SHISA9: variants seen among roughly 807,000 people sequenced by gnomAD.
SHISA9 encodes shisa family member 9, also known as protein shisa-9.
Under a neutral mutation model 38.0 loss-of-function variants are expected in SHISA9, and 13 were observed. The ratio of observed to expected loss-of-function variants is 0.34; its 90% CI spans 0.22 to 0.54. The LOEUF is 0.54. Among genes scored for constraint, SHISA9 ranks in the 20% least tolerant of loss-of-function variants. The probability of loss-of-function intolerance (pLI) is 0.91; values close to 1 mark genes in which losing one functional copy is unlikely to be tolerated. For missense variants in SHISA9, 538 were observed against 575.8 expected, an observed-to-expected ratio of 0.93 and a Z score of 0.67; for synonymous variants, 275 against 242.0, an observed-to-expected ratio of 1.14 and a Z score of -1.27.
intron 2 of SHISA9, among the ~76,000 whole-genome samples, chr16:12,970,407 A>ATATATATACATATATG (rs1567357074): frequency 1.3e-4 from 2 of 14,950 alleles, no homozygotes; most frequent in African/African-American, 2.1e-4. Flanking sequence ...ATATATACAT[A>ATATATATACATATATG]TATATATATA....
chr16:13,546,224 C>G, the SHISA9 span, among the ~76,000 whole-genome samples: 1 of 152,174 alleles, frequency 6.6e-6, no homozygotes, highest in East Asian at 1.9e-4. Flanking sequence ...GTCCAAGCAA[C>G]CACCATCTCT....
At chr16:12,913,196 T>A (rs1029225757) in intron 1 of SHISA9, among the ~76,000 whole-genome samples, 2 of 152,216 alleles carry the variant, frequency 1.3e-5, no homozygotes, top group African/African-American at 4.8e-5. Context: ...TTACTTCTTT[T>A]TTTTGGCGGG....
At chr16:13,098,818 G>C (rs746542337) in intron 2 of SHISA9, among the ~76,000 whole-genome samples, 16 of 152,356 alleles carry the variant, frequency 1.1e-4, no homozygotes, top group Non-Finnish European at 2.4e-4. Flanking sequence ...TCCCAGCTCT[G>C]TTGAATCTGG....
chr16:13,449,259 A>G, the SHISA9 span, among the ~76,000 whole-genome samples: 1 of 152,236 alleles, frequency 6.6e-6, no homozygotes, highest in Non-Finnish European at 1.5e-5. Context: ...AAATAGACCA[A>G]AATGTTCAAG....
At chr16:13,320,605 T>G in the SHISA9 span, among the ~76,000 whole-genome samples, 1 of 152,190 alleles carries the variant, frequency 6.6e-6, no homozygotes, top group Admixed American at 6.5e-5. Flanking sequence ...GTAGAGATAG[T>G]AGGGTCTCCT....
At chr16:12,977,080 G>A (rs1351068804) in intron 2 of SHISA9, among the ~76,000 whole-genome samples, 1 of 152,146 alleles carries the variant, frequency 6.6e-6, no homozygotes, top group Admixed American at 6.5e-5. Context: ...ATGACTTACT[G>A]TTGCCAGTGA....
chr16:13,222,268 C>A (rs970820634), intron 4 of SHISA9, among the ~76,000 whole-genome samples: 1 of 152,112 alleles, frequency 6.6e-6, no homozygotes, highest in Non-Finnish European at 1.5e-5. Context: ...ACAGCCAAAC[C>A]ATATCATGAC....
intron 2 of SHISA9, among the ~76,000 whole-genome samples, chr16:13,062,156 A>C (rs115964129): frequency 4.6e-5 from 7 of 152,084 alleles, no homozygotes; most frequent in African/African-American, 1.7e-4. Flanking sequence ...TTTTAGTGGA[A>C]GTATACCTCA....
chr16:13,340,262 T>A, the SHISA9 span, among the ~76,000 whole-genome samples: 4 of 152,194 alleles, frequency 2.6e-5, no homozygotes, highest in Non-Finnish European at 5.9e-5. Context: ...CTTAACCTCC[T>A]ATATTTGGCC....
intron 2 of SHISA9, among the ~76,000 whole-genome samples, chr16:13,056,854 AT>A (rs1428151982): frequency 1.3e-5 from 2 of 152,226 alleles, no homozygotes; most frequent in East Asian, 3.8e-4. Context: ...CGAAGCGTTC[AT>A]TCTCAGGATT....
chr16:13,188,944 T>C (rs2050856350), intron 2 of SHISA9, among the ~76,000 whole-genome samples: 1 of 152,046 alleles, frequency 6.6e-6, no homozygotes, highest in Non-Finnish European at 1.5e-5. Flanking sequence ...GGTCTCCTTA[T>C]AACAAAGGGA....
chr16:13,178,193 C>A (rs1181581609), intron 2 of SHISA9, among the ~76,000 whole-genome samples: 1 of 152,166 alleles, frequency 6.6e-6, no homozygotes, highest in African/African-American at 2.4e-5. Context: ...GCATTCTCCT[C>A]CATCCATGGA....
At chr16:13,461,634 T>C in the SHISA9 span, among the ~76,000 whole-genome samples, 1 of 147,658 alleles carries the variant, frequency 6.8e-6, no homozygotes, top group Non-Finnish European at 1.5e-5. Flanking sequence ...TTTTTTTTTT[T>C]TTTTTGAGAC....
chr16:12,963,555 G>T lies in SHISA9; in HGVS notation c.691+46740G>T, dbSNP rs150251134. Among the ~76,000 whole-genome samples, 4 of 152,350 alleles carry T rather than the reference G, an allele frequency of 2.6e-5. No individual in the cohort carries two copies. The South Asian group carries it at 8.3e-4, about 32-fold the overall frequency. On this transcript the variant is annotated intron_variant, in intron 2 of 4. Transcript: ENST00000558583. ...TTGACATTCATCAAATCCTTATTAT[G>T]TGCCAAGTGCCTTCCTAAATGTTTT...
At chr16:13,215,375 C>G (rs1413728496) in intron 4 of SHISA9, among the ~76,000 whole-genome samples, 1 of 152,184 alleles carries the variant, frequency 6.6e-6, no homozygotes, top group African/African-American at 2.4e-5. Context: ...TAATGAGAAT[C>G]CCCTGACTAC....
chr16:13,283,186 G>C, the SHISA9 span, among the ~76,000 whole-genome samples: 1 of 152,048 alleles, frequency 6.6e-6, no homozygotes. Flanking sequence ...TAGGAACTTT[G>C]TGCAACTTTG....
At chr16:13,182,767 A>C (rs2050789023) in intron 2 of SHISA9, among the ~76,000 whole-genome samples, 1 of 152,084 alleles carries the variant, frequency 6.6e-6, no homozygotes, top group Admixed American at 6.5e-5. Context: ...AGAGAGGGAG[A>C]TATTGTGATG....
the SHISA9 span, among the ~76,000 whole-genome samples, chr16:13,376,615 T>C: frequency 1.3e-5 from 2 of 152,174 alleles, no homozygotes; most frequent in Non-Finnish European, 2.9e-5. Flanking sequence ...TATTTTAGAT[T>C]GGTTAAAAAT....
At chr16:13,114,539 C>T (rs1344293615) in intron 2 of SHISA9, among the ~76,000 whole-genome samples, 1 of 150,166 alleles carries the variant, frequency 6.7e-6, no homozygotes, top group Non-Finnish European at 1.5e-5. Context: ...CCCACTACCT[C>T]AAATCAATAA....
Sources: gnomAD v4.1 joint callset for allele counts (sites outside exome capture counted in the v4.1 genomes callset) on GRCh38, gnomAD v4.1.1 for gene constraint, MANE v1.5 for transcripts, NCBI Gene and HGNC (gene_info 2026-07-23, HGNC 2026-07-21) for gene names.